ANO5: variants seen among roughly 807,000 people sequenced by gnomAD.
The protein encoded by ANO5 is anoctamin 5.
ANO5 carries 109 observed loss-of-function variants against 121.0 expected under a neutral mutation model. That is an observed-to-expected ratio of 0.90 (90% confidence interval 0.77 to 1.06). The LOEUF (loss-of-function observed/expected upper bound fraction) is 1.06. ANO5 is among the 50% of genes least tolerant of loss of function. ANO5 has a pLI of 0.00. For missense variants in ANO5, 1,064 were observed against 1,078.5 expected, an observed-to-expected ratio of 0.99 and a Z score of 0.19; for synonymous variants, 406 against 359.9, an observed-to-expected ratio of 1.13 and a Z score of -1.45.
At chr11:22,213,248 G>T (rs895832396) in intron 3 of ANO5, among the ~76,000 whole-genome samples, 9 of 151,764 alleles carry the variant, frequency 5.9e-5, no homozygotes, top group African/African-American at 2.2e-4. Context: ...GATTTCCTTA[G>T]TTTTCCCCTA....
At chr11:22,277,597 A>ATATT (rs1854913058) in intron 21 of ANO5, among the ~76,000 whole-genome samples, 1 of 151,432 alleles carries the variant, frequency 6.6e-6, no homozygotes, top group Admixed American at 6.6e-5. Context: ...TATTCTGAAC[A>ATATT]TATTTCTTTT....
chr11:22,217,642 A>G (rs1002093903), intron 3 of ANO5, among the ~76,000 whole-genome samples: 9 of 151,810 alleles, frequency 5.9e-5, no homozygotes, highest in African/African-American at 2.2e-4. Flanking sequence ...ACATGGATGT[A>G]GCTGGAGGCC....
intron 7 of ANO5, among the ~76,000 whole-genome samples, chr11:22,229,637 A>T (rs139756449): frequency 1.3e-5 from 2 of 152,146 alleles, no homozygotes; most frequent in East Asian, 3.9e-4. Flanking sequence ...TATTTTAGAG[A>T]TATTTGTTAC....
chr11:22,244,174 A>G (rs577566510), intron 9 of ANO5, among the ~76,000 whole-genome samples: 1 of 152,066 alleles, frequency 6.6e-6, no homozygotes, highest in Non-Finnish European at 1.5e-5. Context: ...GCTTAGTTTG[A>G]TGAGATATGA....
intron 7 of ANO5, among the ~76,000 whole-genome samples, chr11:22,230,620 C>T (rs1853008183): frequency 6.6e-6 from 1 of 152,024 alleles, no homozygotes; most frequent in South Asian, 2.1e-4. Context: ...TGAAAGCACT[C>T]ATGTTCCACA....
At chr11:22,229,006 T>A (rs1448793129) in intron 7 of ANO5, among the ~76,000 whole-genome samples, 1 of 151,948 alleles carries the variant, frequency 6.6e-6, no homozygotes, top group Non-Finnish European at 1.5e-5. Context: ...AGTAATGGGA[T>A]TGCTGGATTA....
chr11:22,215,678 G>T (rs991065667), intron 3 of ANO5, among the ~76,000 whole-genome samples: 2 of 151,740 alleles, frequency 1.3e-5, no homozygotes, highest in Non-Finnish European at 2.9e-5. Context: ...AGAAATTTAT[G>T]AAAAAAGTTT....
At chr11:22,271,087 C>T (rs79234511) in intron 18 of ANO5, among the ~76,000 whole-genome samples, 10 of 152,302 alleles carry the variant, frequency 6.6e-5, no homozygotes, top group African/African-American at 2.4e-4. Flanking sequence ...GAGTCTCGCT[C>T]TGTCGCTCAG....
chr11:22,225,211 G>T (rs1852783827), intron 5 of ANO5, among the ~76,000 whole-genome samples: 1 of 152,050 alleles, frequency 6.6e-6, no homozygotes, highest in Non-Finnish European at 1.5e-5. Flanking sequence ...TAATCCCAGT[G>T]CTTTGGCAGG....
chr11:22,258,132 T>C (rs1400014792), intron 14 of ANO5, among the ~76,000 whole-genome samples: 2 of 152,180 alleles, frequency 1.3e-5, no homozygotes, highest in East Asian at 3.9e-4. Flanking sequence ...GCTCTTCCTT[T>C]TTCCAAATGT....
upstream of ANO5, chr11:22,192,856 A>C: frequency 2.1e-6 from 1 of 482,272 alleles, no homozygotes; most frequent in Non-Finnish European, 2.7e-6. Flanking sequence ...CCGAGGAGGG[A>C]CGGGAGGCTG....
At position 22,257,762 on chromosome 11, in the gene ANO5, TTTC is replaced by T; in HGVS notation, c.1407+11_1407+13del. 6.2e-7 allele frequency: 1 copy of T among 1,603,910 alleles called. No homozygotes were observed. ...GCCACAGTGACATTATGGGTGAGCA[TTTC>T]TTTAAAAATTGCTATAATTTCTTCA... is the stretch of plus-strand genomic sequence containing the variant. On this transcript the variant is annotated intron_variant, in intron 14 of 21. Transcript: ENST00000324559.
In ANO5 at chr11:22,281,309, A is replaced by G. The variant is rs1475963260; in HGVS notation, c.*1544A>G. ...ACTGCCAGTATTAAATATATGGCAG[A>G]TGGTATTAACTACTGATCAATAGTA... is the stretch of plus-strand genomic sequence containing the variant. On this transcript the variant is annotated 3_prime_UTR_variant, in exon 22 of 22. Coordinates refer to ENST00000324559, the MANE Select transcript of ANO5 (RefSeq NM_213599.3). 2.6e-5 allele frequency: 4 copies of G among 152,062 alleles called. No homozygotes were observed. The highest frequency in any genetic ancestry group is 5.9e-5 in the Non-Finnish European group (4 of 67,914). 9.4% of individuals were successfully genotyped at this position (152,062 alleles called of 1,614,324 possible).
At chr11:22,225,694 TAA>T (rs1852801132) in intron 5 of ANO5, among the ~76,000 whole-genome samples, 2 of 152,168 alleles carry the variant, frequency 1.3e-5, no homozygotes, top group Admixed American at 1.3e-4. Context: ...TCTCTGTTTA[TAA>T]AGTTTTTTTA....
intron 2 of ANO5, among the ~76,000 whole-genome samples, chr11:22,204,577 G>A (rs1208024322): frequency 6.6e-6 from 1 of 152,056 alleles, no homozygotes; most frequent in Admixed American, 6.6e-5. Context: ...TCTAGAATAG[G>A]TTGGCTATTT....
At chr11:22,234,173 A>C (rs1853139111) in intron 7 of ANO5, among the ~76,000 whole-genome samples, 1 of 152,134 alleles carries the variant, frequency 6.6e-6, no homozygotes. Context: ...AAGCTGAACC[A>C]GTTGAGATAT....
chr11:22,195,768 A>G (rs760765280), intron 1 of ANO5, among the ~76,000 whole-genome samples: 12 of 152,122 alleles, frequency 7.9e-5, no homozygotes, highest in Non-Finnish European at 1.5e-4. Flanking sequence ...TTTGTAATCT[A>G]TTTATGCTTA....
intron 14 of ANO5, among the ~76,000 whole-genome samples, chr11:22,258,645 G>C (rs1436662863): frequency 1.3e-5 from 2 of 152,174 alleles, no homozygotes; most frequent in Non-Finnish European, 2.9e-5. Context: ...GCAATATTCT[G>C]AGGGGAAATG....
intron 3 of ANO5, among the ~76,000 whole-genome samples, chr11:22,212,711 T>A (rs1274303476): frequency 6.6e-6 from 1 of 151,888 alleles, no homozygotes; most frequent in Non-Finnish European, 1.5e-5. Context: ...AAATTGCATT[T>A]CTCACAACAT....
Sources: allele counts gnomAD v4.1 joint callset (sites outside exome capture counted in the v4.1 genomes callset), GRCh38; gene constraint gnomAD v4.1.1; transcripts MANE v1.5; gene names NCBI Gene and HGNC (gene_info 2026-07-23, HGNC 2026-07-21).